Variants in ADAMTS3 observed in about 807,000 individuals in gnomAD.
The protein encoded by ADAMTS3 is A disintegrin and metalloproteinase with thrombospondin motifs 3.
Under a neutral mutation model 129.0 loss-of-function variants are expected in ADAMTS3, and 73 were observed. The observed-to-expected ratio is 0.57, with a 90% confidence interval of 0.47 to 0.69. The LOEUF (loss-of-function observed/expected upper bound fraction) is 0.69. ADAMTS3 is among the 30% of genes least tolerant of loss of function. ADAMTS3 has a pLI of 0.00. For synonymous variants in ADAMTS3, 477 were observed against 510.8 expected, an observed-to-expected ratio of 0.93 and a Z score of 0.89; for missense variants, 1,457 against 1,514.5, an observed-to-expected ratio of 0.96 and a Z score of 0.63.
intron 4 of ADAMTS3, among the ~76,000 whole-genome samples, chr4:72,406,001 T>G (rs1722041515): frequency 6.6e-6 from 1 of 152,106 alleles, no homozygotes; most frequent in Admixed American, 6.6e-5. Flanking sequence ...CTGTTCACAA[T>G]CTAAGAAGCT....
chr4:72,563,821 T>C (rs1446591123), intron 2 of ADAMTS3, among the ~76,000 whole-genome samples: 1 of 152,148 alleles, frequency 6.6e-6, no homozygotes, highest in African/African-American at 2.4e-5. Flanking sequence ...ATTCATTGAA[T>C]AACCAATATT....
chr4:72,536,321 C>T (rs535818287), intron 3 of ADAMTS3, among the ~76,000 whole-genome samples: 5 of 152,072 alleles, frequency 3.3e-5, no homozygotes, highest in Middle Eastern at 3.2e-3. Context: ...CCATACATGA[C>T]GTAGAAAAGG....
chr4:72,436,085 A>T (rs1271699653), intron 3 of ADAMTS3, among the ~76,000 whole-genome samples: 1 of 152,062 alleles, frequency 6.6e-6, no homozygotes, highest in African/African-American at 2.4e-5. Flanking sequence ...AATGGGAGAA[A>T]ATTTTTGCAA....
intron 3 of ADAMTS3, among the ~76,000 whole-genome samples, chr4:72,491,245 G>GTA (rs1442141200): frequency 5.3e-5 from 8 of 151,414 alleles, no homozygotes; most frequent in East Asian, 1.9e-4. Flanking sequence ...AGTTTCCTGG[G>GTA]TATATGATCA....
At position 72,543,703 on chromosome 4, in the gene ADAMTS3, G is replaced by A. The variant is rs539652922; in HGVS notation, c.504+4775C>T. 6.6e-4 allele frequency among the ~76,000 whole-genome samples: 101 copies of A among 152,206 alleles called. No individual in the cohort carries two copies. In the South Asian group the frequency reaches 0.011, roughly 17 times the overall value. On this transcript the variant is annotated intron_variant, in intron 3 of 21. Transcript: ENST00000286657. ...GACAGTAGAATTGTGATTGTCAGAG[G>A]CTATAGGGCGGTAGAAATGGGAAGT... is the stretch of plus-strand genomic sequence containing the variant.
intron 4 of ADAMTS3, among the ~76,000 whole-genome samples, chr4:72,355,535 T>C (rs1720561904): frequency 6.6e-6 from 1 of 152,008 alleles, no homozygotes; most frequent in Non-Finnish European, 1.5e-5. Context: ...TATTAAGAGG[T>C]GATTAAGTCT....
intron 4 of ADAMTS3, among the ~76,000 whole-genome samples, chr4:72,354,540 T>G (rs1390934542): frequency 6.6e-6 from 1 of 152,026 alleles, no homozygotes; most frequent in African/African-American, 2.4e-5. Flanking sequence ...AGCATCACTT[T>G]AAGGCCCTTT....
intron 3 of ADAMTS3, among the ~76,000 whole-genome samples, chr4:72,466,216 T>C (rs1323734921): frequency 1.3e-5 from 2 of 152,002 alleles, no homozygotes; most frequent in African/African-American, 2.4e-5. Flanking sequence ...GCAAATTCCA[T>C]AGAGAAAGCA....
intron 4 of ADAMTS3, among the ~76,000 whole-genome samples, chr4:72,405,989 C>T (rs942393908): frequency 6.6e-6 from 1 of 152,126 alleles, no homozygotes; most frequent in Non-Finnish European, 1.5e-5. Context: ...TAGGACATCA[C>T]TCTGTTCACA....
At chr4:72,337,088 T>C (rs1307056904) in intron 5 of ADAMTS3, among the ~76,000 whole-genome samples, 13 of 152,320 alleles carry the variant, frequency 8.5e-5, no homozygotes, top group Non-Finnish European at 1.5e-5. Context: ...CAGTTGGTCA[T>C]GAAGTTGGGG....
At chr4:72,342,592 C>G (rs930624841) in intron 4 of ADAMTS3, among the ~76,000 whole-genome samples, 1 of 152,010 alleles carries the variant, frequency 6.6e-6, no homozygotes, top group Non-Finnish European at 1.5e-5. Context: ...AGGCTGGTCT[C>G]AAACTCCTGA....
Position 72,461,721 on chromosome 4 carries a change from T to C in ADAMTS3, c.505-46750A>G, listed in dbSNP as rs909971494. On this transcript the variant is annotated intron_variant, in intron 3 of 21. Transcript: ENST00000286657. Reference sequence around the variant, plus strand: ...CCATTCAACAATACAATGAAATGTTTTCATATTCTCTGATCTTTGGCTAAC... The same window carrying C: ...CCATTCAACAATACAATGAAATGTTCTCATATTCTCTGATCTTTGGCTAAC... Among the ~76,000 whole-genome samples, 5 of 152,064 alleles carry C rather than the reference T, an allele frequency of 3.3e-5. No individual in the cohort carries two copies. In the East Asian group the frequency reaches 5.8e-4, roughly 18 times the overall value.
At chr4:72,394,934 T>A (rs1373543829) in intron 4 of ADAMTS3, among the ~76,000 whole-genome samples, 1 of 152,168 alleles carries the variant, frequency 6.6e-6, no homozygotes, top group Non-Finnish European at 1.5e-5. Context: ...TTGGCTTTTT[T>A]TTTTTTTGGA....
chr4:72,530,222 ATATAT>A (rs1250515558), intron 3 of ADAMTS3, among the ~76,000 whole-genome samples: 22 of 78,192 alleles, frequency 2.8e-4, no homozygotes, highest in African/African-American at 1.1e-3. Context: ...TTTAATATAT[ATATAT>A]TATATATATT....
At chr4:72,464,835 C>G (rs904668064) in intron 3 of ADAMTS3, among the ~76,000 whole-genome samples, 2 of 152,038 alleles carry the variant, frequency 1.3e-5, no homozygotes, top group Admixed American at 1.3e-4. Context: ...TAACCTTCAT[C>G]TTAGAAGTTT....
chr4:72,475,624 T>C (rs560758814), intron 3 of ADAMTS3, among the ~76,000 whole-genome samples: 4 of 152,000 alleles, frequency 2.6e-5, no homozygotes, highest in East Asian at 3.9e-4. Flanking sequence ...AGCAAGAATA[T>C]AGACGAACTC....
intron 3 of ADAMTS3, among the ~76,000 whole-genome samples, chr4:72,498,992 A>C (rs1030803108): frequency 2.0e-5 from 3 of 152,138 alleles, no homozygotes; most frequent in African/African-American, 7.2e-5. Flanking sequence ...CACTTGCATC[A>C]TAATCATACG....
intron 4 of ADAMTS3, among the ~76,000 whole-genome samples, chr4:72,384,651 C>T (rs1050671316): frequency 3.3e-5 from 5 of 152,084 alleles, no homozygotes; most frequent in Middle Eastern, 3.2e-3. Flanking sequence ...AGCAGAACTA[C>T]ACCACAAAAA....
At chr4:72,449,651 C>T (rs1435622597) in intron 3 of ADAMTS3, among the ~76,000 whole-genome samples, 1 of 151,766 alleles carries the variant, frequency 6.6e-6, no homozygotes, top group Admixed American at 6.6e-5. Flanking sequence ...AAAGGCAAAT[C>T]ATACCATATT....
Sources: allele counts gnomAD v4.1 joint callset (sites outside exome capture counted in the v4.1 genomes callset), GRCh38; gene constraint gnomAD v4.1.1; transcripts MANE v1.5; gene names NCBI Gene and HGNC (gene_info 2026-07-23, HGNC 2026-07-21).